ECD: variants seen among roughly 807,000 people sequenced by gnomAD.
ECD encodes the protein ecdysoneless cell cycle regulator.
In ECD, 59 loss-of-function variants were observed where a neutral mutation model predicts 77.2. The ratio of observed to expected loss-of-function variants is 0.76; its 90% CI spans 0.62 to 0.95. The LOEUF is 0.95. ECD is among the 40% of genes least tolerant of loss of function. The pLI is 0.00. For missense variants in ECD, 704 were observed against 763.4 expected (o/e 0.92, Z 0.92); for synonymous variants, 233 against 267.4 (o/e 0.87, Z 1.26).
rs2271904 is a variant in ECD, at chr10:73,134,617, T to C, written c.1901A>G (p.Asp634Gly). ...SMGVQLPDNT[D>G]HRPTSKPTKN ...TGTTGGCTTACTTGTTGGTCTGTGA[T>C]CGGTGTTGTCAGGCAGCTGCACTCC... The change falls in exon 14 of 14, where the codon GAT becomes GGT. Residue 634 changes from aspartate to glycine, a missense_variant. Asp to Gly is a moderately conservative substitution (Grantham distance 94, BLOSUM62 -1). Transcript: ENST00000372979. 133,948 of 1,614,064 alleles carry C rather than the reference T, an allele frequency of 0.083. 8,384 individuals carry two copies. Among genetic ancestry groups the C allele is most frequent in the East Asian group, 0.28 (12,693 of 44,882 alleles).
intron 6 of ECD, 71 bp downstream of exon 6, chr10:73,154,185 A>T (rs1843261875): frequency 6.9e-7 from 1 of 1,452,368 alleles, no homozygotes; most frequent in African/African-American, 1.4e-5. Flanking sequence ...GAAATGTAAA[A>T]AGAAAAAAAT....
At chr10:73,139,264 T>A in intron 11 of ECD, 45 bp downstream of exon 11, 1 of 1,482,192 alleles carries the variant, frequency 6.7e-7, no homozygotes, top group East Asian at 2.3e-5. Flanking sequence ...GACTTCAACA[T>A]TTGGGTTCTA....
chr10:73,144,268 G>A (rs529996023), intron 9 of ECD, among the ~76,000 whole-genome samples: 1 of 152,200 alleles, frequency 6.6e-6, no homozygotes, highest in Non-Finnish European at 1.5e-5. Context: ...TGATAAATTA[G>A]GGGAAAGTCT....
chr10:73,165,835 C>G (rs1843451047), intron 1 of ECD, among the ~76,000 whole-genome samples: 1 of 152,060 alleles, frequency 6.6e-6, no homozygotes, highest in Admixed American at 6.6e-5. Context: ...ATGCTCTCAT[C>G]TGAACTTCGT....
intron 9 of ECD, among the ~76,000 whole-genome samples, chr10:73,144,637 G>C (rs887090378): frequency 2.6e-5 from 4 of 152,056 alleles, no homozygotes; most frequent in African/African-American, 9.7e-5. Context: ...TCTGCCTATG[G>C]AGTAGCCATT....
chr10:73,141,432 A>G, intron 9 of ECD: 1 of 163,646 alleles, frequency 6.1e-6, no homozygotes, highest in Non-Finnish European at 1.3e-5. Context: ...GAATGGCGTG[A>G]ACCCAGGAGG....
rs771392986 is a variant in ECD, at chr10:73,156,260, T to C, written c.590+15A>G. The C allele has an allele frequency of 6.5e-7, 1 of 1,545,684 alleles. No individual in the cohort carries two copies. The highest frequency in any genetic ancestry group is 8.7e-7 in the Non-Finnish European group (1 of 1,151,974). ...AAGGTTCCTTAATTAGCAATGAAAG[T>C]GATATTTTTCTTACCCTCTGATGCG... On this transcript the variant is annotated intron_variant, in intron 5 of 13. Coordinates refer to ENST00000372979, the MANE Select transcript of ECD (RefSeq NM_007265.3).
intron 5 of ECD, among the ~76,000 whole-genome samples, chr10:73,154,750 C>T (rs559283317): frequency 3.8e-4 from 57 of 151,930 alleles, no homozygotes; most frequent in African/African-American, 1.1e-3. Flanking sequence ...CTGGCTAACA[C>T]GGTAAAACCC....
At chr10:73,155,382 T>C (rs1297492697) in intron 5 of ECD, among the ~76,000 whole-genome samples, 1 of 151,872 alleles carries the variant, frequency 6.6e-6, no homozygotes, top group East Asian at 1.9e-4. Flanking sequence ...ATTTTTAATA[T>C]TGTTAATACC....
chr10:73,140,233 T>C (rs1219480358), intron 9 of ECD, among the ~76,000 whole-genome samples: 3 of 151,944 alleles, frequency 2.0e-5, no homozygotes, highest in African/African-American at 2.4e-5. Context: ...TCCCCCTGCC[T>C]TGGCCTCCCA....
At chr10:73,135,626 CAGG>C (rs1313909680) in intron 13 of ECD, among the ~76,000 whole-genome samples, 1 of 151,906 alleles carries the variant, frequency 6.6e-6, no homozygotes, top group East Asian at 1.9e-4. Flanking sequence ...GAGGCTGAGG[CAGG>C]AGAATTGCTT....
intron 7 of ECD, among the ~76,000 whole-genome samples, chr10:73,150,322 T>C (rs920321473): frequency 5.4e-4 from 82 of 152,346 alleles, no homozygotes; most frequent in Admixed American, 5.2e-4. Flanking sequence ...GCTAGCCATA[T>C]GTAGAAAGCT....
At chr10:73,160,898 A>T (rs1454201696) in intron 2 of ECD, among the ~76,000 whole-genome samples, 1 of 152,244 alleles carries the variant, frequency 6.6e-6, no homozygotes, top group Non-Finnish European at 1.5e-5. Flanking sequence ...GGCATGATGT[A>T]TAGAGTATGT....
At chr10:73,136,972 T>C in intron 12 of ECD, 54 bp from the exon 13 acceptor site, 1 of 942,544 alleles carries the variant, frequency 1.1e-6, no homozygotes. Flanking sequence ...TTATTATTAT[T>C]ATTATTATTA....
At position 73,148,419 on chromosome 10, in the gene ECD, T is replaced by A. The variant is rs891047111; in HGVS notation, c.913-15A>T. On this transcript the variant is annotated splice_polypyrimidine_tract_variant and intron_variant, in intron 7 of 13. Transcript: ENST00000372979. ...AATCCATGAGCCTAGATGAGATAGG[T>A]AGAATTTTTGTTACTAAGTTCCTTT... The A allele has an allele frequency of 1.2e-6, 2 of 1,603,534 alleles. No individual in the cohort carries two copies. Among genetic ancestry groups the A allele is most frequent in the Non-Finnish European group, 8.5e-7 (1 of 1,175,710 alleles).
At chr10:73,135,659 T>C (rs1842967406) in intron 13 of ECD, among the ~76,000 whole-genome samples, 1 of 151,706 alleles carries the variant, frequency 6.6e-6, no homozygotes, top group Non-Finnish European at 1.5e-5. Flanking sequence ...AGGCAGAGGG[T>C]GCAGTGAGCC....
intron 2 of ECD, among the ~76,000 whole-genome samples, chr10:73,161,162 C>T (rs1843371528): frequency 7.0e-6 from 1 of 142,024 alleles, no homozygotes; most frequent in Non-Finnish European, 1.5e-5. Context: ...CAACCTATAC[C>T]TCAAAAAAAA....
chr10:73,134,815 T>C lies in ECD; in HGVS notation c.1705-2A>G. ...ATCGGTAGTCTGGGATACAGGTTCC[T>C]TATTCATAGAGGGAAAAGAAAATTA... is the stretch of plus-strand genomic sequence containing the variant. On this transcript the variant is annotated splice_acceptor_variant, in intron 13 of 13. Transcript: ENST00000372979. LOFTEE classifies it high-confidence loss of function. 1 of 1,613,494 alleles carries C rather than the reference T, an allele frequency of 6.2e-7. No homozygotes were observed. The highest frequency in any genetic ancestry group is 8.5e-7 in the Non-Finnish European group (1 of 1,179,512).
At chr10:73,167,402 T>G (rs1843496364) in intron 1 of ECD, among the ~76,000 whole-genome samples, 1 of 152,214 alleles carries the variant, frequency 6.6e-6, no homozygotes, top group Non-Finnish European at 1.5e-5. Flanking sequence ...TCCTTATCTC[T>G]TAATTTTCTA....
Sources: gnomAD v4.1 joint callset for allele counts (sites outside exome capture counted in the v4.1 genomes callset) on GRCh38, gnomAD v4.1.1 for gene constraint, MANE v1.5 for transcripts, NCBI Gene and HGNC (gene_info 2026-07-23, HGNC 2026-07-21) for gene names.